The following EYS variants were observed in gnomAD, a reference collection of about 807,000 sequenced individuals.
EYS encodes EGF-like photoreceptor maintenance factor, also known as protein eyes shut homolog.
Under a neutral mutation model 282.1 loss-of-function variants are expected in EYS, and 250 were observed. The ratio of observed to expected loss-of-function variants is 0.89; its 90% confidence interval spans 0.80 to 0.98. EYS has a LOEUF of 0.98. Ranked by LOEUF, EYS falls within the 50% of genes least tolerant of loss-of-function variation. The pLI is 0.00. For synonymous variants in EYS, 1,355 were observed against 1,282.9 expected (o/e 1.06, Z -1.20); for missense variants, 4,016 against 3,709.0 (o/e 1.08, Z -2.15).
At chr6:65,492,394 A>AGAAGGAAG (rs199509631) in intron 4 of EYS, among the ~76,000 whole-genome samples, 247 of 151,622 alleles carry the variant, frequency 1.6e-3, no homozygotes, top group South Asian at 5.0e-3. Context: ...AAAGAAGGAA[A>AGAAGGAAG]GAAGGAAGGA....
chr6:64,820,849 A>G (rs1444380226), intron 21 of EYS, among the ~76,000 whole-genome samples: 1 of 152,122 alleles, frequency 6.6e-6, no homozygotes, highest in Non-Finnish European at 1.5e-5. Context: ...TTTCATGTAC[A>G]TTCTCACACA....
intron 22 of EYS, among the ~76,000 whole-genome samples, chr6:64,736,060 A>G (rs1772174825): frequency 6.6e-6 from 1 of 152,026 alleles, no homozygotes; most frequent in Non-Finnish European, 1.5e-5. Flanking sequence ...TGAAATTCTC[A>G]AGCCCTTTCT....
intron 22 of EYS, among the ~76,000 whole-genome samples, chr6:64,665,836 T>C (rs1045386646): frequency 6.6e-6 from 1 of 152,078 alleles, no homozygotes; most frequent in African/African-American, 2.4e-5. Context: ...TGTCACTCCA[T>C]TCTAAAGAGA....
chr6:65,144,495 T>A (rs1000025997), intron 12 of EYS, among the ~76,000 whole-genome samples: 14 of 152,084 alleles, frequency 9.2e-5, no homozygotes, highest in African/African-American at 3.1e-4. Context: ...AAACCAGTGA[T>A]CAGTTGTAAA....
intron 2 of EYS, among the ~76,000 whole-genome samples, chr6:65,593,850 T>G (rs1206677504): frequency 6.6e-6 from 1 of 151,774 alleles, no homozygotes; most frequent in Non-Finnish European, 1.5e-5. Flanking sequence ...CATTAAAAAT[T>G]AATTAACACA....
At chr6:64,126,035 T>C (rs982910107) in intron 31 of EYS, among the ~76,000 whole-genome samples, 4 of 151,818 alleles carry the variant, frequency 2.6e-5, no homozygotes, top group African/African-American at 9.7e-5. Context: ...TGTGGAGAAA[T>C]AGGAACACTT....
intron 35 of EYS, among the ~76,000 whole-genome samples, chr6:63,882,582 CGTTTTGCATTGA>C (rs1773160370): frequency 6.6e-6 from 1 of 152,118 alleles, no homozygotes; most frequent in Non-Finnish European, 1.5e-5. Flanking sequence ...GATATCATCC[CGTTTTGCATTGA>C]GTTTGCAATC....
intron 5 of EYS, among the ~76,000 whole-genome samples, chr6:65,467,065 C>G (rs1253685516): frequency 6.6e-6 from 1 of 152,060 alleles, no homozygotes; most frequent in Non-Finnish European, 1.5e-5. Flanking sequence ...GCCAAAAACA[C>G]AGTCACTTTT....
At chr6:64,850,781 C>A (rs1765858996) in intron 19 of EYS, among the ~76,000 whole-genome samples, 1 of 151,734 alleles carries the variant, frequency 6.6e-6, no homozygotes, top group Admixed American at 6.6e-5. Flanking sequence ...TAAATTAGTT[C>A]AAAAGTAATT....
At chr6:64,908,146 A>G (rs1268232487) in intron 16 of EYS, among the ~76,000 whole-genome samples, 1 of 152,132 alleles carries the variant, frequency 6.6e-6, no homozygotes, top group East Asian at 1.9e-4. Context: ...CGTTTGGCAG[A>G]CTCGTGGGAG....
At chr6:64,404,598 T>C (rs564150051) in intron 28 of EYS, among the ~76,000 whole-genome samples, 2 of 152,324 alleles carry the variant, frequency 1.3e-5, no homozygotes, top group South Asian at 2.1e-4. Flanking sequence ...GATGCAAGAT[T>C]AACAAAACAG....
chr6:65,685,375 G>A (rs565101265), intron 1 of EYS, among the ~76,000 whole-genome samples: 13 of 152,090 alleles, frequency 8.5e-5, no homozygotes, highest in South Asian at 4.1e-4. Context: ...CTACGACTAC[G>A]ACATCAAATT....
At chr6:64,237,975 G>A (rs1766667449) in intron 30 of EYS, among the ~76,000 whole-genome samples, 1 of 151,984 alleles carries the variant, frequency 6.6e-6, no homozygotes, top group Non-Finnish European at 1.5e-5. Flanking sequence ...AACCCCAAGT[G>A]TTACTCCTCT....
chr6:63,993,748 C>T (rs1312741338), intron 34 of EYS, among the ~76,000 whole-genome samples: 1 of 151,744 alleles, frequency 6.6e-6, no homozygotes, highest in Admixed American at 6.6e-5. Context: ...AGATTCAATA[C>T]AATCCATACC....
intron 28 of EYS, among the ~76,000 whole-genome samples, chr6:64,406,509 A>G (rs575551836): frequency 1.3e-5 from 2 of 152,200 alleles, no homozygotes; most frequent in Non-Finnish European, 2.9e-5. Flanking sequence ...AGAAACTATC[A>G]TCAGAGTAAA....
intron 5 of EYS, among the ~76,000 whole-genome samples, chr6:65,444,084 G>A (rs539326912): frequency 5.5e-4 from 84 of 151,984 alleles, no homozygotes; most frequent in African/African-American, 1.3e-3. Flanking sequence ...AGTTTTATTA[G>A]AAGGACATTA....
Position 63,923,740 on chromosome 6 carries a change from G to A in EYS, c.7056-59382C>T, listed in dbSNP as rs534278058. Among the ~76,000 whole-genome samples the A allele has an allele frequency of 3.0e-4, 46 of 152,066 alleles. 1 individual carries two copies. Among genetic ancestry groups the A allele is most frequent in the Admixed American group, 8.5e-4 (13 of 15,264 alleles). On this transcript the variant is annotated intron_variant, in intron 35 of 42. Coordinates refer to ENST00000503581, the MANE Select transcript of EYS (RefSeq NM_001142800.2). ...CTTTGTCCTCCTCCTTCTCTCCCCC[G>A]TCTATGGTCCCCAGTGTCTATTGAT...
intron 31 of EYS, among the ~76,000 whole-genome samples, chr6:64,124,591 G>T (rs922602084): frequency 6.6e-6 from 1 of 152,078 alleles, no homozygotes; most frequent in African/African-American, 2.4e-5. Flanking sequence ...ATATAATTTT[G>T]AAAATATTCT....
intron 29 of EYS, among the ~76,000 whole-genome samples, chr6:64,311,968 A>G (rs1264217750): frequency 7.5e-6 from 1 of 133,226 alleles, no homozygotes. Context: ...CCACTGAGCT[A>G]GCTGCAGAAG....
Sources: gnomAD v4.1 joint callset for allele counts (sites outside exome capture counted in the v4.1 genomes callset) on GRCh38, gnomAD v4.1.1 for gene constraint, MANE v1.5 for transcripts, NCBI Gene and HGNC (gene_info 2026-07-23, HGNC 2026-07-21) for gene names.